Variants in KCNJ6 observed in about 807,000 individuals in gnomAD.
KCNJ6 encodes the protein potassium inwardly rectifying channel subfamily J member 6, also known as G protein-activated inward rectifier potassium channel 2.
Under a neutral mutation model 34.2 loss-of-function variants are expected in KCNJ6, and 9 were observed. That is an observed-to-expected ratio of 0.26 (90% CI 0.16 to 0.46). KCNJ6 has a LOEUF of 0.46. Ranked by LOEUF, KCNJ6 falls within the 20% of genes least tolerant of loss-of-function variation. KCNJ6 has a pLI of 1.00. For synonymous variants in KCNJ6, 196 were observed against 207.1 expected (o/e 0.95, Z 0.46); for missense variants, 236 against 531.3 (o/e 0.44, Z 5.46).
At chr21:37,840,172 C>T (rs924034941) in intron 2 of KCNJ6, among the ~76,000 whole-genome samples, 3 of 152,174 alleles carry the variant, frequency 2.0e-5, no homozygotes, top group Admixed American at 6.5e-5. Flanking sequence ...TGTTCAAAAC[C>T]TAAATCATTA....
At chr21:37,808,955 C>A (rs953334043) in intron 2 of KCNJ6, among the ~76,000 whole-genome samples, 2 of 152,190 alleles carry the variant, frequency 1.3e-5, no homozygotes, top group Admixed American at 6.5e-5. Flanking sequence ...ATTGTGGAAG[C>A]CAGTGTGGCG....
chr21:37,878,135 C>G (rs1486912025), intron 1 of KCNJ6, among the ~76,000 whole-genome samples: 1 of 152,136 alleles, frequency 6.6e-6, no homozygotes, highest in Non-Finnish European at 1.5e-5. Flanking sequence ...TTTGAACAAC[C>G]AAGGTTTGAG....
intron 1 of KCNJ6, among the ~76,000 whole-genome samples, chr21:37,892,292 G>A (rs576614016): frequency 6.6e-6 from 1 of 152,320 alleles, no homozygotes; most frequent in African/African-American, 2.4e-5. Context: ...CCTGGGCACA[G>A]CCATTTCTTC....
chr21:37,780,062 A>G lies in KCNJ6; in HGVS notation c.25+60596T>C, dbSNP rs16995492. On this transcript the variant is annotated intron_variant, in intron 2 of 3. Coordinates refer to ENST00000609713, the MANE Select transcript of KCNJ6 (RefSeq NM_002240.5). ...CTGCCTATTTGAGGTTGGGAGAGAA[A>G]GCGTGGATAAGAATTATTACCTTGA... 6.0e-3 allele frequency among the ~76,000 whole-genome samples: 912 copies of G among 152,216 alleles called. 11 individuals carry two copies. Among genetic ancestry groups the G allele is most frequent in the African/African-American group, 0.021 (885 of 41,532 alleles).
At position 37,714,902 on chromosome 21, in the gene KCNJ6, C is replaced by T. The variant is rs2054781441; in HGVS notation, c.255G>A (p.Val85=). 3 of 1,614,180 alleles carry T rather than the reference C, an allele frequency of 1.9e-6. No individual in the cohort carries two copies. The Middle Eastern group carries it at 4.9e-4, about 266-fold the overall frequency. ...RYLTDIFTTL[V]DLKWRFNLLI... Reference sequence around the variant, plus strand: ...ATAGGTTGAATCTCCACTTCAGGTCCACTAATGTGGTGAAGATATCGGTCA... The same window carrying T: ...ATAGGTTGAATCTCCACTTCAGGTCTACTAATGTGGTGAAGATATCGGTCA... Residue 85 remains valine, a synonymous_variant, in exon 3 of 4, where the codon GTG becomes GTA. Coordinates refer to ENST00000609713, the MANE Select transcript of KCNJ6 (RefSeq NM_002240.5). The surrounding 1 kb of genome is among the most constrained non-coding windows in gnomAD (Gnocchi z 5.9).
chr21:37,785,849 T>C (rs916657533), intron 2 of KCNJ6, among the ~76,000 whole-genome samples: 1 of 152,178 alleles, frequency 6.6e-6, no homozygotes, highest in South Asian at 2.1e-4. Context: ...ATGAATGAGA[T>C]TAGTGCCTTT....
In KCNJ6 at chr21:37,720,501, G is replaced by A. The variant is rs145522444; in HGVS notation, c.26-5370C>T. 4.4e-3 allele frequency among the ~76,000 whole-genome samples: 672 copies of A among 152,282 alleles called. 2 individuals are homozygous for A. The highest frequency in any genetic ancestry group is 7.3e-3 in the Admixed American group (111 of 15,296). ...TCCCTGTAACTGTCCAGGGGACCTT[G>A]AAGGAGGAGGGTGTCCAGGAGGCCT... is the stretch of plus-strand genomic sequence containing the variant. On this transcript the variant is annotated intron_variant, in intron 2 of 3. Coordinates refer to ENST00000609713, the MANE Select transcript of KCNJ6 (RefSeq NM_002240.5).
intron 2 of KCNJ6, among the ~76,000 whole-genome samples, chr21:37,720,576 C>A (rs1049154419): frequency 3.9e-5 from 6 of 152,186 alleles, no homozygotes; most frequent in Non-Finnish European, 8.8e-5. Context: ...GGACAGATGT[C>A]ATCTTTCTCT....
At chr21:37,646,286 C>T (rs2054403989) in intron 3 of KCNJ6, among the ~76,000 whole-genome samples, 1 of 151,914 alleles carries the variant, frequency 6.6e-6, no homozygotes. Flanking sequence ...CAAAATAAAC[C>T]CCCACCACGC....
chr21:37,901,786 C>A (rs1385121781), intron 1 of KCNJ6, among the ~76,000 whole-genome samples: 1 of 152,198 alleles, frequency 6.6e-6, no homozygotes, highest in African/African-American at 2.4e-5. Flanking sequence ...TCATTTATTT[C>A]TCCTTTAAAG....
At chr21:37,643,066 G>C (rs549235068) in intron 3 of KCNJ6, among the ~76,000 whole-genome samples, 4 of 152,134 alleles carry the variant, frequency 2.6e-5, no homozygotes. Context: ...ATGGGTGGTG[G>C]GGGGGACAGC....
intron 2 of KCNJ6, among the ~76,000 whole-genome samples, chr21:37,721,164 C>T (rs1257759706): frequency 2.0e-5 from 3 of 152,100 alleles, no homozygotes; most frequent in Non-Finnish European, 2.9e-5. Context: ...GGCCAATAAA[C>T]AAATGAAAAG....
intron 1 of KCNJ6, among the ~76,000 whole-genome samples, chr21:37,873,522 C>T (rs986690141): frequency 4.6e-5 from 7 of 152,194 alleles, no homozygotes; most frequent in Non-Finnish European, 1.0e-4. Flanking sequence ...CTAAACACAC[C>T]AACCACAACT....
At chr21:37,802,675 C>T (rs979328634) in intron 2 of KCNJ6, among the ~76,000 whole-genome samples, 1 of 152,188 alleles carries the variant, frequency 6.6e-6, no homozygotes, top group Non-Finnish European at 1.5e-5. Context: ...AAAGGGAATA[C>T]ATTTATATTA....
chr21:37,691,868 C>T (rs980005491), intron 3 of KCNJ6, among the ~76,000 whole-genome samples: 2 of 152,118 alleles, frequency 1.3e-5, no homozygotes, highest in African/African-American at 4.8e-5. Context: ...CATATTCATT[C>T]AATGTGCTTT....
At chr21:37,674,483 G>A (rs1326832982) in intron 3 of KCNJ6, among the ~76,000 whole-genome samples, 4 of 142,306 alleles carry the variant, frequency 2.8e-5, no homozygotes, top group East Asian at 2.1e-4. Flanking sequence ...GACCTCACTC[G>A]CCTCCTCTCT....
chr21:37,616,616 T>TATATATATATATATATATA lies in KCNJ6; in HGVS notation c.*8542_*8543insTATATATATATATATATAT, dbSNP rs2054269093. The stretch of plus-strand genomic sequence containing the variant: ...ATATATATATATATATATATATATA[T>TATATATATATATATATATA]GGTTAGACTCTGAACATATACGCTC... On this transcript the variant is annotated 3_prime_UTR_variant, in exon 4 of 4. Transcript: ENST00000609713. 1 of 126,716 alleles carries TATATATATATATATATATA rather than the reference T, an allele frequency of 7.9e-6. No individual in the cohort carries two copies. Among genetic ancestry groups the TATATATATATATATATATA allele is most frequent in the Admixed American group, 8.7e-5 (1 of 11,536 alleles). The allele number at this position is 126,716 out of a possible 1,614,324, so 7.8% of individuals were successfully genotyped here. A position where few individuals can be genotyped will look rare whatever the true frequency, so the allele number is the denominator to read the frequency against.
chr21:37,904,478 G>T (rs2055831823), intron 1 of KCNJ6, among the ~76,000 whole-genome samples: 1 of 151,576 alleles, frequency 6.6e-6, no homozygotes, highest in East Asian at 1.9e-4. Context: ...TCACTTTGGG[G>T]TCTTGAAAAA....
intron 1 of KCNJ6, among the ~76,000 whole-genome samples, chr21:37,881,481 G>C (rs2055708059): frequency 3.3e-5 from 5 of 152,030 alleles, no homozygotes; most frequent in Admixed American, 2.6e-4. Flanking sequence ...GAGAGAGAGA[G>C]AGAGAGAGAG....
Sources: gnomAD v4.1 joint callset for allele counts (sites outside exome capture counted in the v4.1 genomes callset) on GRCh38, gnomAD v4.1.1 for gene constraint, Gnocchi (gnomAD v3.1) non-coding constraint, MANE v1.5 for transcripts, NCBI Gene and HGNC (gene_info 2026-07-23, HGNC 2026-07-21) for gene names.